Variants in PLEKHG1 observed in about 807,000 individuals in gnomAD.
PLEKHG1 encodes the protein pleckstrin homology and RhoGEF domain containing G1.
In PLEKHG1, 44 loss-of-function variants were observed where a neutral mutation model predicts 100.8. The ratio of observed to expected loss-of-function variants is 0.44; its 90% confidence interval spans 0.34 to 0.56. The LOEUF (loss-of-function observed/expected upper bound fraction) is 0.56. Ranked by LOEUF, PLEKHG1 falls within the 20% of genes least tolerant of loss-of-function variation. The probability of loss-of-function intolerance (pLI) is 0.01; values close to 1 mark genes in which losing one functional copy is unlikely to be tolerated. For synonymous variants in PLEKHG1, 640 were observed against 662.5 expected (o/e 0.97, Z 0.52); for missense variants, 1,545 against 1,720.9 (o/e 0.90, Z 1.81).
exon 16 of PLEKHG1, chr6:150,840,297 G>T: frequency 1.2e-6 from 2 of 1,614,154 alleles, no homozygotes; most frequent in Non-Finnish European, 1.7e-6. Context: ...ATCTTCCTCC[G>T]TCTTGATCAA....
chr6:150,785,351 G>A (rs1307654209), intron 3 of PLEKHG1, among the ~76,000 whole-genome samples: 1 of 152,070 alleles, frequency 6.6e-6, no homozygotes, highest in Admixed American at 6.6e-5. Context: ...GCATAGTAAG[G>A]TGTATATTAG....
chr6:150,695,596 C>T (rs781474519), intron 3 of PLEKHG1, among the ~76,000 whole-genome samples: 4 of 152,188 alleles, frequency 2.6e-5, no homozygotes, highest in African/African-American at 4.8e-5. Context: ...GCCTAAGCCT[C>T]GAATTACCCA....
intron 3 of PLEKHG1, among the ~76,000 whole-genome samples, chr6:150,696,970 G>A (rs1159648897): frequency 1.3e-5 from 2 of 151,988 alleles, no homozygotes; most frequent in African/African-American, 2.4e-5. Flanking sequence ...AGTGGCATAC[G>A]CCTGTAGTCC....
chr6:150,730,480 C>G (rs1448049799), intron 1 of PLEKHG1, among the ~76,000 whole-genome samples: 1 of 152,130 alleles, frequency 6.6e-6, no homozygotes, highest in Non-Finnish European at 1.5e-5. Flanking sequence ...CTATGAGAAT[C>G]TAATGCTGCT....
At chr6:150,805,846 AAGAC>A (rs1173844671) in intron 7 of PLEKHG1, among the ~76,000 whole-genome samples, 1 of 152,154 alleles carries the variant, frequency 6.6e-6, no homozygotes, top group Admixed American at 6.6e-5. Flanking sequence ...TTTTTAAAAT[AAGAC>A]AGAGAAGTTT....
chr6:150,698,379 A>G (rs372620331), intron 3 of PLEKHG1, among the ~76,000 whole-genome samples: 7 of 152,272 alleles, frequency 4.6e-5, no homozygotes, highest in African/African-American at 1.7e-4. Context: ...CTCAGGTTAT[A>G]TCAATTTTGA....
At chr6:150,648,671 T>C (rs1778595513) in intron 2 of PLEKHG1, among the ~76,000 whole-genome samples, 1 of 152,158 alleles carries the variant, frequency 6.6e-6, no homozygotes, top group African/African-American at 2.4e-5. Context: ...CTTATCAGAT[T>C]TGTGCTGGCT....
Position 150,839,822 on chromosome 6 carries a change from T to C in PLEKHG1, c.3095-11T>C. 4.0e-6 allele frequency: 6 copies of C among 1,507,130 alleles called. No homozygotes were observed. Among genetic ancestry groups the C allele is most frequent in the Non-Finnish European group, 5.5e-6 (6 of 1,085,438 alleles). 93.4% of individuals were successfully genotyped at this position (1,507,130 alleles called of 1,614,324 possible). A position where few individuals can be genotyped will look rare whatever the true frequency, so the allele number is the denominator to read the frequency against. Reference sequence around the variant, plus strand: ...CTGTGTGTATTTACTGTTTCAATATTTGCCTTCCAGGTGCCAGGATTGCTG... The same window carrying C: ...CTGTGTGTATTTACTGTTTCAATATCTGCCTTCCAGGTGCCAGGATTGCTG... On this transcript the variant is annotated splice_polypyrimidine_tract_variant and intron_variant, in intron 15 of 15. Transcript: ENST00000358517.
chr6:150,688,289 C>T (rs1439790580), intron 3 of PLEKHG1, among the ~76,000 whole-genome samples: 4 of 151,598 alleles, frequency 2.6e-5, no homozygotes, highest in Non-Finnish European at 4.4e-5. Flanking sequence ...ATGTCCCAGA[C>T]TCTTAATCTT....
chr6:150,658,520 G>T (rs1779058155), intron 3 of PLEKHG1, among the ~76,000 whole-genome samples: 1 of 152,148 alleles, frequency 6.6e-6, no homozygotes. Context: ...ATAGTAACCA[G>T]ACTCTTAGTC....
At chr6:150,839,582 T>C (rs1164767520) in intron 15 of PLEKHG1, among the ~76,000 whole-genome samples, 1 of 152,198 alleles carries the variant, frequency 6.6e-6, no homozygotes, top group African/African-American at 2.4e-5. Context: ...AGACCTGCTG[T>C]TGAAACAAAA....
At chr6:150,772,274 C>G (rs755128376) in intron 3 of PLEKHG1, among the ~76,000 whole-genome samples, 1 of 152,226 alleles carries the variant, frequency 6.6e-6, no homozygotes, top group Non-Finnish European at 1.5e-5. Flanking sequence ...TAGTACACAA[C>G]TGTGCTGGAA....
intron 2 of PLEKHG1, among the ~76,000 whole-genome samples, chr6:150,755,910 AT>A (rs918072541): frequency 6.6e-6 from 1 of 152,084 alleles, no homozygotes; most frequent in African/African-American, 2.4e-5. Flanking sequence ...AAAAAAATTT[AT>A]TTTTTTCCAT....
Position 150,615,005 on chromosome 6 carries a change from C to T in PLEKHG1, c.-204+14988C>T, listed in dbSNP as rs533928918. Among the ~76,000 whole-genome samples, 8 of 152,306 alleles carry T rather than the reference C, an allele frequency of 5.3e-5. No individual in the cohort carries two copies. In the South Asian group the frequency reaches 1.7e-3, roughly 32 times the overall value. ...TTCCTAAAAACCTCCGAATGAATGA[C>T]CGAATTACCCTTTAGATTCATATCC... On this transcript the variant is annotated intron_variant, in intron 1 of 3. Transcript: ENST00000367326.
At chr6:150,657,360 C>T (rs1023682645) in intron 3 of PLEKHG1, among the ~76,000 whole-genome samples, 1 of 152,112 alleles carries the variant, frequency 6.6e-6, no homozygotes, top group African/African-American at 2.4e-5. Flanking sequence ...ATTTAGGGTA[C>T]CAAAGCAGTT....
intron 1 of PLEKHG1, among the ~76,000 whole-genome samples, chr6:150,730,341 T>TGGGGGGGGGGGGGG (rs1562468142): frequency 3.2e-5 from 1 of 30,898 alleles, no homozygotes; most frequent in Non-Finnish European, 7.3e-5. Context: ...GGTGGGGGTG[T>TGGGGGGGGGGGGGG]GGGGGTGGGG....
intron 3 of PLEKHG1, among the ~76,000 whole-genome samples, chr6:150,690,332 C>T (rs1482967904): frequency 1.3e-5 from 2 of 151,916 alleles, no homozygotes; most frequent in Admixed American, 1.3e-4. Context: ...ATACACTGCA[C>T]CACATCTTGG....
At position 150,732,377 on chromosome 6, in the gene PLEKHG1, A is replaced by G. The variant is rs181784916; in HGVS notation, c.-98-1207A>G. ...CCATATATGCCACAAATGGAATGCC[A>G]GTTTCTAAGAAGTGATCTGGAGAAG... On this transcript the variant is annotated intron_variant, in intron 1 of 15. Transcript: ENST00000358517. Among the ~76,000 whole-genome samples the G allele has an allele frequency of 1.5e-4, 23 of 152,328 alleles. No individual in the cohort carries two copies. The South Asian group carries it at 3.3e-3, about 22-fold the overall frequency.
chr6:150,619,575 T>G (rs1404669162), intron 1 of PLEKHG1, among the ~76,000 whole-genome samples: 1 of 152,114 alleles, frequency 6.6e-6, no homozygotes, highest in Non-Finnish European at 1.5e-5. Context: ...CCCACTGAGA[T>G]GCTTCATACC....
Sources: allele counts gnomAD v4.1 joint callset (sites outside exome capture counted in the v4.1 genomes callset), GRCh38; gene constraint gnomAD v4.1.1; transcripts MANE v1.5; gene names NCBI Gene and HGNC (gene_info 2026-07-23, HGNC 2026-07-21).